Variants in EXOC6 observed in about 807,000 individuals in gnomAD.
EXOC6 encodes the protein SEC15-like 1.
EXOC6 carries 60 observed loss-of-function variants against 112.5 expected under a neutral mutation model. The ratio of observed to expected loss-of-function variants is 0.53; its 90% CI spans 0.43 to 0.66. The LOEUF (loss-of-function observed/expected upper bound fraction) is 0.66. Ranked by LOEUF, EXOC6 falls within the 30% of genes least tolerant of loss-of-function variation. EXOC6 has a pLI of 0.00. For missense variants in EXOC6, 855 were observed against 957.1 expected, an observed-to-expected ratio of 0.89 and a Z score of 1.41; for synonymous variants, 295 against 308.0, an observed-to-expected ratio of 0.96 and a Z score of 0.44.
At chr10:92,891,391 C>T (rs1323905675) in intron 1 of EXOC6, among the ~76,000 whole-genome samples, 1 of 152,156 alleles carries the variant, frequency 6.6e-6, no homozygotes, top group African/African-American at 2.4e-5. Flanking sequence ...TAACTCAGCT[C>T]TTACAGAACC....
chr10:92,935,184 C>G (rs1852275952), intron 11 of EXOC6, among the ~76,000 whole-genome samples: 1 of 151,894 alleles, frequency 6.6e-6, no homozygotes, highest in Admixed American at 6.6e-5. Context: ...ATTCTTGATA[C>G]ACTATCCAAT....
chr10:93,034,851 A>G (rs1380384811), intron 20 of EXOC6, among the ~76,000 whole-genome samples: 7 of 152,186 alleles, frequency 4.6e-5, no homozygotes, highest in Non-Finnish European at 1.0e-4. Context: ...CCCTGTGACT[A>G]CTTCACAGGA....
intron 18 of EXOC6, among the ~76,000 whole-genome samples, chr10:92,997,177 T>C (rs923669236): frequency 2.6e-5 from 4 of 152,198 alleles, no homozygotes; most frequent in Non-Finnish European, 5.9e-5. Flanking sequence ...GTGCTTTCAG[T>C]ATTTCAAGAG....
chr10:92,827,325 C>T (rs781724174), intron 1 of EXOC6, among the ~76,000 whole-genome samples: 1 of 151,368 alleles, frequency 6.6e-6, no homozygotes. Context: ...AGTACAAAAA[C>T]TAGCCAGGCA....
At chr10:93,038,112 T>G (rs1035594944) in intron 20 of EXOC6, among the ~76,000 whole-genome samples, 3 of 149,568 alleles carry the variant, frequency 2.0e-5, no homozygotes, top group Non-Finnish European at 4.5e-5. Flanking sequence ...TTTTTTTTTT[T>G]GTTACAGGTT....
intron 20 of EXOC6, among the ~76,000 whole-genome samples, chr10:93,041,577 A>C (rs539032996): frequency 2.0e-5 from 3 of 150,886 alleles, no homozygotes; most frequent in Admixed American, 6.6e-5. Flanking sequence ...TACCTGGCTA[A>C]TTTTTTTTGT....
chr10:92,994,135 A>G (rs753764995), intron 18 of EXOC6, among the ~76,000 whole-genome samples: 5 of 152,244 alleles, frequency 3.3e-5, no homozygotes, highest in Middle Eastern at 3.2e-3. Flanking sequence ...CTCATTCTAT[A>G]TGCTTTGACT....
chr10:92,911,929 CTCTGTGTGCGTG>C (rs1265498987), intron 6 of EXOC6, among the ~76,000 whole-genome samples: 2 of 71,908 alleles, frequency 2.8e-5, no homozygotes, highest in African/African-American at 4.5e-5. Context: ...CTCTCTCTCT[CTCTGTGTGCGTG>C]TGTGTGTGTG....
At chr10:92,974,024 G>A (rs41290182) in intron 17 of EXOC6, 29 bp from the exon 18 acceptor site, 7 of 1,520,110 alleles carry the variant, frequency 4.6e-6, no homozygotes, top group Non-Finnish European at 6.2e-6. Flanking sequence ...TCTGTTTCTT[G>A]TCTTTGTTGT....
At chr10:92,956,053 G>A (rs1474440167) in intron 17 of EXOC6, among the ~76,000 whole-genome samples, 2 of 151,940 alleles carry the variant, frequency 1.3e-5, no homozygotes, top group Non-Finnish European at 1.5e-5. Context: ...TAAAATGTAA[G>A]ACAAATTAAA....
intron 9 of EXOC6, among the ~76,000 whole-genome samples, chr10:92,930,852 G>A (rs1851986560): frequency 6.6e-6 from 1 of 152,106 alleles, no homozygotes; most frequent in Non-Finnish European, 1.5e-5. Flanking sequence ...GCTGGCTCAT[G>A]CCTGTAATCC....
chr10:92,928,386 A>G lies in EXOC6; in HGVS notation c.936A>G (p.Lys312=), dbSNP rs1554896134. 6.2e-7 allele frequency: 1 copy of G among 1,610,566 alleles called. No homozygotes were observed. The highest frequency in any genetic ancestry group is 2.2e-5 in the East Asian group (1 of 44,720). Residue 312 remains lysine, a synonymous_variant, in exon 9 of 22, where the codon AAA becomes AAG. Transcript: ENST00000260762. ...FENYYRKQRK[K]QARLVLQPQS... ...ACTATTATCGAAAACAAAGAAAGAA[A>G]CAAGCAAGACTGGTATTGCAACCCC...
At chr10:92,940,629 T>A in intron 12 of EXOC6, 98 bp from the exon 13 acceptor site, 1 of 739,392 alleles carries the variant, frequency 1.4e-6, no homozygotes, top group Non-Finnish European at 2.2e-6. Context: ...CAATGGGATC[T>A]AGTGATTCCT....
intron 20 of EXOC6, among the ~76,000 whole-genome samples, chr10:93,031,598 C>T (rs1267739529): frequency 1.3e-5 from 2 of 150,690 alleles, no homozygotes; most frequent in South Asian, 2.1e-4. Context: ...CTGCAACCTC[C>T]GCCTCCCAGG....
intron 12 of EXOC6, among the ~76,000 whole-genome samples, chr10:92,938,216 C>T (rs1393076282): frequency 1.3e-5 from 2 of 152,078 alleles, no homozygotes; most frequent in African/African-American, 4.8e-5. Flanking sequence ...GTAAAAGCAA[C>T]AATGATAGTT....
chr10:92,860,296 G>A (rs569720415), intron 1 of EXOC6, among the ~76,000 whole-genome samples: 1,229 of 112,024 alleles, frequency 0.011, 5 homozygotes, highest in Middle Eastern at 0.043. Context: ...TTTTGAGACA[G>A]AGTCTTGTTC....
At position 92,954,622 on chromosome 10, in the gene EXOC6, GT is replaced by G; in HGVS notation, c.1527-3del. 4 of 1,474,470 alleles carry G rather than the reference GT, an allele frequency of 2.7e-6. No homozygotes were observed. Among genetic ancestry groups the G allele is most frequent in the East Asian group, 2.3e-5 (1 of 43,962 alleles). The allele number at this position is 1,474,470 out of a possible 1,614,324, so 91.3% of individuals were successfully genotyped here. A position where few individuals can be genotyped will look rare whatever the true frequency, so the allele number is the denominator to read the frequency against. ...ATTAAGTTTAATAATATCAATCTTT[GT>G]TTTTAGCTCAACAGAAATAGACGAT... On this transcript the variant is annotated splice_region_variant and splice_polypyrimidine_tract_variant and intron_variant, in intron 15 of 21. Coordinates refer to ENST00000260762, the MANE Select transcript of EXOC6 (RefSeq NM_019053.6).
chr10:92,837,537 C>T (rs918151525), intron 1 of EXOC6, among the ~76,000 whole-genome samples: 1 of 152,070 alleles, frequency 6.6e-6, no homozygotes, highest in Non-Finnish European at 1.5e-5. Context: ...GTGGCTTGTG[C>T]CTGTAGTCTC....
At chr10:93,032,102 C>G (rs1478849546) in intron 20 of EXOC6, among the ~76,000 whole-genome samples, 2 of 152,112 alleles carry the variant, frequency 1.3e-5, no homozygotes, top group African/African-American at 4.8e-5. Flanking sequence ...TCTCCACAGA[C>G]AGGAATTTGT....
Sources: gnomAD v4.1 joint callset for allele counts (sites outside exome capture counted in the v4.1 genomes callset) on GRCh38, gnomAD v4.1.1 for gene constraint, MANE v1.5 for transcripts, NCBI Gene and HGNC (gene_info 2026-07-23, HGNC 2026-07-21) for gene names.